PCED1B: variants seen among roughly 807,000 people sequenced by gnomAD.
The protein encoded by PCED1B is PC-esterase domain-containing protein 1B.
For missense variants in PCED1B, 573 were observed against 573.9 expected (o/e 1.00, Z 0.02); for synonymous variants, 251 against 246.1 (o/e 1.02, Z -0.19).
chr12:47,220,084 A>G (rs969204366), intron 3 of PCED1B, among the ~76,000 whole-genome samples: 1 of 143,648 alleles, frequency 7.0e-6, no homozygotes, highest in African/African-American at 2.5e-5. Context: ...AAAAAAAAAA[A>G]AAAAAAGAAG....
chr12:47,134,789 A>C (rs1452189232), intron 2 of PCED1B, among the ~76,000 whole-genome samples: 1 of 151,938 alleles, frequency 6.6e-6, no homozygotes, highest in Admixed American at 6.6e-5. Flanking sequence ...AATTGCTTGA[A>C]CCCCAGAGGC....
chr12:47,149,874 A>G (rs1940926685), intron 2 of PCED1B, among the ~76,000 whole-genome samples: 1 of 152,236 alleles, frequency 6.6e-6, no homozygotes, highest in African/African-American at 2.4e-5. Flanking sequence ...ACAGATTGCC[A>G]GTCCTTATGC....
At chr12:47,160,053 C>A (rs144879812) in intron 2 of PCED1B, among the ~76,000 whole-genome samples, 4 of 151,978 alleles carry the variant, frequency 2.6e-5, no homozygotes, top group Non-Finnish European at 4.4e-5. Flanking sequence ...GCTGCAAATA[C>A]GTGGATTTAT....
intron 2 of PCED1B, among the ~76,000 whole-genome samples, chr12:47,166,015 C>G (rs896630143): frequency 2.6e-5 from 4 of 152,160 alleles, no homozygotes; most frequent in Non-Finnish European, 5.9e-5. Context: ...CCCACTCCCC[C>G]ACCACGAGAC....
chr12:47,124,567 T>C (rs181000107), intron 2 of PCED1B, among the ~76,000 whole-genome samples: 3 of 151,994 alleles, frequency 2.0e-5, no homozygotes, highest in Admixed American at 2.0e-4. Context: ...CCTGCTTTTA[T>C]TTCTCTGGGG....
At chr12:47,174,587 A>G (rs148186794) in intron 2 of PCED1B, among the ~76,000 whole-genome samples, 310 of 152,324 alleles carry the variant, frequency 2.0e-3, no homozygotes, top group African/African-American at 7.1e-3. Context: ...GGTATGCCTC[A>G]GGTCCTCTTG....
intron 2 of PCED1B, among the ~76,000 whole-genome samples, chr12:47,136,836 A>G (rs1940393015): frequency 6.6e-6 from 1 of 152,228 alleles, no homozygotes. Context: ...AAGACAAGTC[A>G]TAGTTCAAGA....
chr12:47,172,340 CTTTTTTTT>C (rs34230051), intron 2 of PCED1B, among the ~76,000 whole-genome samples: 20 of 78,352 alleles, frequency 2.6e-4, no homozygotes, highest in African/African-American at 7.2e-4. Context: ...TCGTGGGTTG[CTTTTTTTT>C]TTTTTTTTTT....
At chr12:47,129,850 A>G (rs924264797) in intron 2 of PCED1B, among the ~76,000 whole-genome samples, 3 of 152,214 alleles carry the variant, frequency 2.0e-5, no homozygotes, top group African/African-American at 7.2e-5. Flanking sequence ...CATTACAACC[A>G]TCAATAGTGT....
chr12:47,116,030 A>G (rs550702426), intron 2 of PCED1B, among the ~76,000 whole-genome samples: 47 of 152,340 alleles, frequency 3.1e-4, no homozygotes, highest in African/African-American at 1.1e-3. Flanking sequence ...TATATAGAAC[A>G]AGAAAATATT....
intron 1 of PCED1B, among the ~76,000 whole-genome samples, chr12:47,083,992 A>G (rs1937863977): frequency 6.6e-6 from 1 of 152,216 alleles, no homozygotes; most frequent in Non-Finnish European, 1.5e-5. Flanking sequence ...TGCGCAGTTC[A>G]GTGATTGTTT....
chr12:47,232,481 T>C (rs1481421053), intron 3 of PCED1B, among the ~76,000 whole-genome samples: 1 of 152,250 alleles, frequency 6.6e-6, no homozygotes, highest in Admixed American at 6.5e-5. Context: ...AATTTAATAA[T>C]AGCTATCCAC....
At chr12:47,104,629 C>A (rs1269543388) in intron 2 of PCED1B, among the ~76,000 whole-genome samples, 3 of 152,122 alleles carry the variant, frequency 2.0e-5, no homozygotes, top group Non-Finnish European at 2.9e-5. Context: ...TTATGTTGTA[C>A]CCTGGAGGGA....
At chr12:47,187,758 T>C (rs1942316937) in intron 2 of PCED1B, 1 of 154,144 alleles carries the variant, frequency 6.5e-6, no homozygotes, top group Non-Finnish European at 1.5e-5. Flanking sequence ...TTGGGAACTA[T>C]AGCTTCATCA....
intron 2 of PCED1B, among the ~76,000 whole-genome samples, chr12:47,200,970 T>G (rs1399093561): frequency 6.6e-6 from 1 of 152,200 alleles, no homozygotes; most frequent in Non-Finnish European, 1.5e-5. Flanking sequence ...AAGTTTCAGA[T>G]AGTGTGGTTA....
chr12:47,236,325 G>A lies in PCED1B; in HGVS notation c.1262G>A (p.Arg421Lys). The A allele has an allele frequency of 1.2e-6, 2 of 1,611,002 alleles. No individual in the cohort carries two copies. Among genetic ancestry groups the A allele is most frequent in the South Asian group, 2.2e-5 (2 of 90,694 alleles). Residue 421 changes from arginine (R) to lysine (K), a missense_variant, in exon 4 of 4, where the codon AGA becomes AAA. Coordinates refer to ENST00000546455, the MANE Select transcript of PCED1B (RefSeq NM_138371.3). ...PWGQRPRPSK[R>K]RAPANPEPRP... is the part of the protein sequence containing the mutation. ...GGACAGCGGCCTCGACCTTCAAAGA[G>A]AAGGGCCCCAGCCAATCCTGAGCCA...
chr12:47,153,243 G>T (rs1217094937), intron 2 of PCED1B, among the ~76,000 whole-genome samples: 1 of 151,398 alleles, frequency 6.6e-6, no homozygotes, highest in South Asian at 2.1e-4. Context: ...CCAGCTACTT[G>T]GGAGGCTGAG....
At chr12:47,083,767 G>C (rs886607163) in intron 1 of PCED1B, among the ~76,000 whole-genome samples, 3 of 152,154 alleles carry the variant, frequency 2.0e-5, no homozygotes, top group Non-Finnish European at 2.9e-5. Flanking sequence ...GAAATGGGGG[G>C]ATAGAATGGG....
chr12:47,201,077 G>A (rs1021334258), intron 2 of PCED1B, among the ~76,000 whole-genome samples: 3 of 152,126 alleles, frequency 2.0e-5, no homozygotes, highest in Admixed American at 6.5e-5. Flanking sequence ...GACGGCTAAC[G>A]CTCCAAATTC....
Sources: allele counts gnomAD v4.1 joint callset (sites outside exome capture counted in the v4.1 genomes callset), GRCh38; gene constraint gnomAD v4.1.1; transcripts MANE v1.5; gene names NCBI Gene and HGNC (gene_info 2026-07-23, HGNC 2026-07-21).